RBFOX1: variants seen among roughly 807,000 people sequenced by gnomAD.
The protein encoded by RBFOX1 is RNA binding fox-1 homolog 1.
In RBFOX1, 8 loss-of-function variants were observed where a neutral mutation model predicts 57.7. The ratio of observed to expected loss-of-function variants is 0.14; its 90% CI spans 0.08 to 0.25. RBFOX1 has a LOEUF of 0.25. RBFOX1 is among the 10% of genes least tolerant of loss of function. The probability of loss-of-function intolerance (pLI) is 1.00; values close to 1 mark genes in which losing one functional copy is unlikely to be tolerated. For synonymous variants in RBFOX1, 326 were observed against 222.4 expected (o/e 1.47, Z -4.15); for missense variants, 611 against 548.5 (o/e 1.11, Z -1.14).
At chr16:7,635,525 T>A (rs76148937) in intron 11 of RBFOX1, among the ~76,000 whole-genome samples, 17 of 152,210 alleles carry the variant, frequency 1.1e-4, no homozygotes, top group Non-Finnish European at 2.2e-4. Context: ...CTTTCTACAT[T>A]TTCTCCGTGG....
chr16:7,046,663 T>C (rs1180459803), intron 3 of RBFOX1, among the ~76,000 whole-genome samples: 1 of 139,282 alleles, frequency 7.2e-6, no homozygotes, highest in Non-Finnish European at 1.5e-5. Flanking sequence ...CTGTGTGCAA[T>C]GGCATGATCT....
intron 3 of RBFOX1, among the ~76,000 whole-genome samples, chr16:5,830,720 G>T (rs536076278): frequency 6.6e-6 from 1 of 152,162 alleles, no homozygotes; most frequent in Non-Finnish European, 1.5e-5. Context: ...GAATAACACT[G>T]CCATCTTTGC....
chr16:6,520,703 G>C (rs2096482125), intron 2 of RBFOX1, among the ~76,000 whole-genome samples: 1 of 152,158 alleles, frequency 6.6e-6, no homozygotes, highest in African/African-American at 2.4e-5. Flanking sequence ...ACCCTGCTTA[G>C]TTTGATCCAG....
chr16:5,384,719 G>T (rs921205986), intron 1 of RBFOX1, among the ~76,000 whole-genome samples: 2 of 152,192 alleles, frequency 1.3e-5, no homozygotes, highest in African/African-American at 4.8e-5. Flanking sequence ...GTTCTCAGGG[G>T]TTGGGCTTTT....
intron 1 of RBFOX1, among the ~76,000 whole-genome samples, chr16:6,085,991 A>C (rs56923819): frequency 0.016 from 2,372 of 152,000 alleles, 58 homozygotes; most frequent in African/African-American, 0.054. Context: ...AGCCCCCTAC[A>C]GACCCCACTG....
intron 4 of RBFOX1, among the ~76,000 whole-genome samples, chr16:7,184,306 A>C (rs958009465): frequency 1.3e-5 from 2 of 152,186 alleles, no homozygotes; most frequent in African/African-American, 4.8e-5. Context: ...CTTAGAGGGA[A>C]GACATCATCC....
chr16:6,458,240 C>G (rs940604606), intron 2 of RBFOX1, among the ~76,000 whole-genome samples: 2 of 151,570 alleles, frequency 1.3e-5, no homozygotes, highest in African/African-American at 2.4e-5. Flanking sequence ...TTTTACCTTG[C>G]TGGCATCACT....
chr16:6,369,388 A>C (rs957447184), intron 2 of RBFOX1, among the ~76,000 whole-genome samples: 1 of 152,242 alleles, frequency 6.6e-6, no homozygotes, highest in Non-Finnish European at 1.5e-5. Flanking sequence ...AACATTGTGA[A>C]GGAAAAAGAA....
In RBFOX1 at chr16:5,629,387, A is replaced by G. The variant is rs188490049; in HGVS notation, c.318+30426A>G. 1.0e-3 allele frequency among the ~76,000 whole-genome samples: 158 copies of G among 152,356 alleles called. 2 individuals carry two copies. The highest frequency in any genetic ancestry group is 3.0e-3 in the African/African-American group (126 of 41,582). ...AACCCACACAGCTCTGCCGTGGTCA[A>G]CCAGGACTGCCAGTGGTATAAATCC... On this transcript the variant is annotated intron_variant, in intron 3 of 19. Transcript: ENST00000641259.
intron 4 of RBFOX1, among the ~76,000 whole-genome samples, chr16:7,494,344 C>G (rs2067893638): frequency 6.6e-6 from 1 of 152,210 alleles, no homozygotes; most frequent in Non-Finnish European, 1.5e-5. Context: ...GCCTTCCTAC[C>G]ATTGGCGGCT....
intron 3 of RBFOX1, among the ~76,000 whole-genome samples, chr16:5,627,263 T>C (rs935409432): frequency 2.0e-5 from 3 of 152,198 alleles, no homozygotes; most frequent in African/African-American, 4.8e-5. Flanking sequence ...CATCTTCTCT[T>C]CAAGATTTTC....
chr16:5,805,379 C>G (rs1015178082), intron 3 of RBFOX1, among the ~76,000 whole-genome samples: 6 of 152,126 alleles, frequency 3.9e-5, no homozygotes, highest in Non-Finnish European at 7.3e-5. Flanking sequence ...AGTTTAGAGC[C>G]TTGGGCTATT....
rs61528915 is a variant in RBFOX1 at position 7,314,618 on chromosome 16, A to T, written c.28-203529A>T. Among the ~76,000 whole-genome samples the T allele has an allele frequency of 4.2e-3, 642 of 152,154 alleles. 19 individuals are homozygous for T. The East Asian group carries it at 0.081, about 19-fold the overall frequency. On this transcript the variant is annotated intron_variant, in intron 4 of 15. Transcript: ENST00000550418. ...GGCATCACGGTCCTATTTGTTTCCCATTTGGTGTTTATGCTTTATGGTGTT... is the reference window on the plus strand; with the variant it reads ...GGCATCACGGTCCTATTTGTTTCCCTTTTGGTGTTTATGCTTTATGGTGTT...
intron 1 of RBFOX1, among the ~76,000 whole-genome samples, chr16:5,344,191 C>T (rs1280389065): frequency 6.6e-6 from 1 of 152,172 alleles, no homozygotes; most frequent in Non-Finnish European, 1.5e-5. Flanking sequence ...ATGCACTCTG[C>T]AAATGTCTGC....
At chr16:7,282,276 T>C (rs2095560609) in intron 4 of RBFOX1, among the ~76,000 whole-genome samples, 1 of 152,196 alleles carries the variant, frequency 6.6e-6, no homozygotes, top group Admixed American at 6.5e-5. Flanking sequence ...AAATGGCATT[T>C]GCAAAGGGGA....
At chr16:7,001,706 C>T (rs62016447) in intron 3 of RBFOX1, among the ~76,000 whole-genome samples, 1 of 151,976 alleles carries the variant, frequency 6.6e-6, no homozygotes, top group African/African-American at 2.4e-5. Flanking sequence ...ATCCATCCTC[C>T]TTGGCCTCCC....
At chr16:7,612,612 A>T (rs963925197) in intron 10 of RBFOX1, among the ~76,000 whole-genome samples, 25 of 151,354 alleles carry the variant, frequency 1.7e-4, no homozygotes, top group East Asian at 7.8e-4. Context: ...CTAATAAAAA[A>T]ATATATATAT....
rs778487035 is a variant in RBFOX1 at position 7,579,734 on chromosome 16, G to GGA, written c.271-43_271-42insGA. The GGA allele has an allele frequency of 1.9e-5, 30 of 1,612,578 alleles. No homozygotes were observed. The Admixed American group carries it at 5.0e-4, about 27-fold the overall frequency. ...CAAAAGAGCATCGGAAGAGAGCACT[G>GGA]TGGTCCACTGAGAACCTCTTCGGTT... On this transcript the variant is annotated intron_variant, in intron 5 of 15. Transcript: ENST00000550418.
intron 3 of RBFOX1, among the ~76,000 whole-genome samples, chr16:6,788,286 G>C (rs1427346553): frequency 6.6e-6 from 1 of 151,898 alleles, no homozygotes; most frequent in East Asian, 1.9e-4. Context: ...GATTTGAATA[G>C]GATGTCCCTT....
Sources: gnomAD v4.1 joint callset for allele counts (sites outside exome capture counted in the v4.1 genomes callset) on GRCh38, gnomAD v4.1.1 for gene constraint, MANE v1.5 for transcripts, NCBI Gene and HGNC (gene_info 2026-07-23, HGNC 2026-07-21) for gene names.